Variants in AHNAK observed in about 807,000 individuals in gnomAD.
The protein encoded by AHNAK is neuroblast differentiation-associated protein AHNAK.
In AHNAK, 23 loss-of-function variants were observed where a neutral mutation model predicts 37.8. The observed-to-expected ratio is 0.61, with a 90% CI of 0.44 to 0.86. The LOEUF is 0.86. Ranked by LOEUF, AHNAK falls within the 40% of genes least tolerant of loss-of-function variation. AHNAK has a pLI of 0.00. For missense variants in AHNAK, 7,411 were observed against 7,319.4 expected (o/e 1.01, Z -0.46); for synonymous variants, 2,481 against 2,636.3 (o/e 0.94, Z 1.80).
At chr11:62,511,129 A>C (rs968258108), downstream of AHNAK, among the ~76,000 whole-genome samples, 4 of 152,232 alleles carry the variant, frequency 2.6e-5, no homozygotes, top group African/African-American at 9.6e-5. Flanking sequence ...GCCTTTGCTC[A>C]AAACATTTGA....
At chr11:62,484,050 A>AAG (rs1555024601) in intron 5 of AHNAK, among the ~76,000 whole-genome samples, 1 of 150,582 alleles carries the variant, frequency 6.6e-6, no homozygotes, top group Non-Finnish European at 1.5e-5. Flanking sequence ...AAAAAAAAAA[A>AAG]AAAAAAGAAA....
At chr11:62,450,233 C>T (rs191597675) in intron 5 of AHNAK, among the ~76,000 whole-genome samples, 27 of 152,040 alleles carry the variant, frequency 1.8e-4, no homozygotes, top group Middle Eastern at 6.8e-3. Flanking sequence ...TCACGGCACA[C>T]GGCAACCTCT....
intron 1 of AHNAK, among the ~76,000 whole-genome samples, chr11:62,540,327 A>T (rs1590692517): frequency 6.6e-6 from 1 of 152,232 alleles, no homozygotes; most frequent in Non-Finnish European, 1.5e-5. Context: ...ACTGGCTACT[A>T]TATTAGCGTG....
downstream of AHNAK, among the ~76,000 whole-genome samples, chr11:62,512,743 A>G (rs765696140): frequency 3.3e-5 from 5 of 152,036 alleles, no homozygotes; most frequent in Admixed American, 6.6e-5. This position sits in a 1 kb window ranked among gnomAD's most constrained non-coding sequence, Gnocchi z 4.0. Flanking sequence ...CGTCTCTACA[A>G]AAAATACAAA....
At chr11:62,459,038 T>TA (rs1938728199) in intron 5 of AHNAK, among the ~76,000 whole-genome samples, 1 of 152,054 alleles carries the variant, frequency 6.6e-6, no homozygotes, top group African/African-American at 2.4e-5. Flanking sequence ...CTTGGGGTGC[T>TA]AAAAGCAGGA....
rs2134228613 is a variant in AHNAK, at chr11:62,528,452, T to C, written c.5965A>G (p.Ile1989Val). Residue 1989 changes from isoleucine (I) to valine (V), a missense_variant, in exon 5 of 5, where the codon ATC (isoleucine) becomes GTC (valine). Ile to Val is a conservative substitution (Grantham distance 29). Transcript: ENST00000378024. ...TGTAAGTCCACATCAGGCATGGAGA[T>C]CTTGGGGGTCTTGAAGTGCATCTCA... is the stretch of plus-strand genomic sequence containing the variant. ...MPEMHFKTPKISMPDVDLHLK... is the reference protein window; with the variant it reads ...MPEMHFKTPKVSMPDVDLHLK... The C allele has an allele frequency of 6.2e-7, 1 of 1,613,376 alleles. No homozygotes were observed. Among genetic ancestry groups the C allele is most frequent in the East Asian group, 2.2e-5 (1 of 44,820 alleles).
chr11:62,526,604 C>T lies in AHNAK; in HGVS notation c.7813G>A (p.Glu2605Lys), dbSNP rs1217326087. The part of the protein sequence containing the change: ...GDVDVSLPKV[E>K]GDLKGPEVDI... The stretch of plus-strand genomic sequence containing the variant: ...ACTTCGGGGCCCTTGAGGTCACCTT[C>T]CACTTTGGGCAGAGAAACATCCACA... The change falls in exon 5 of 5, where the codon GAA becomes AAA. Residue 2605 changes from glutamate (E) to lysine (K), a missense_variant. Physicochemically the swap from Glu to Lys is moderately conservative, Grantham distance 56. Transcript: ENST00000378024. The T allele has an allele frequency of 1.2e-6, 2 of 1,613,796 alleles. No individual in the cohort carries two copies. The highest frequency in any genetic ancestry group is 2.2e-5 in the East Asian group (1 of 44,856).
Position 62,523,948 on chromosome 11 carries a change from T to C in AHNAK, c.10469A>G (p.Glu3490Gly). ...PKFSVSGLKA[E>G]GPDVAVDLPK... ...TAGATCCACAGCTACATCTGGCCCTTCTGCTTTTAAGCCAGACACACTGAA... is the reference window on the plus strand; with the variant it reads ...TAGATCCACAGCTACATCTGGCCCTCCTGCTTTTAAGCCAGACACACTGAA... The change falls in exon 5 of 5, where the codon GAA (glutamate) becomes GGA (glycine). Residue 3490 changes from glutamate (E) to glycine (G), a missense_variant. Physicochemically the swap from Glu to Gly is moderately conservative, Grantham distance 98. Transcript: ENST00000378024. 6.2e-7 allele frequency: 1 copy of C among 1,614,138 alleles called. No homozygotes were observed. The highest frequency in any genetic ancestry group is 8.5e-7 in the Non-Finnish European group (1 of 1,180,034).
rs2134211541 is a variant in AHNAK at position 62,524,026 on chromosome 11, T to C, written c.10391A>G (p.Asp3464Gly). Residue 3464 changes from aspartate to glycine, a missense_variant, in exon 5 of 5, where the codon GAT (aspartate) becomes GGT (glycine). Coordinates refer to ENST00000378024, the MANE Select transcript of AHNAK (RefSeq NM_001620.3). The stretch of plus-strand genomic sequence containing the variant: ...CAGATTCCAGTCTGGACCATGAACA[T>C]CCACATCAGGTGCATTAAGATTGAC... ...PEVNLNAPDV[D>G]VHGPDWNLKM... 1 of 1,614,186 alleles carries C rather than the reference T, an allele frequency of 6.2e-7. No individual in the cohort carries two copies. Among genetic ancestry groups the C allele is most frequent in the Middle Eastern group, 1.7e-4 (1 of 6,060 alleles).
At chr11:62,436,590 T>G (rs1007942621) in intron 5 of AHNAK, among the ~76,000 whole-genome samples, 2 of 151,782 alleles carry the variant, frequency 1.3e-5, no homozygotes, top group Non-Finnish European at 2.9e-5. Flanking sequence ...AAATTATTAT[T>G]GTTATTACTT....
intron 5 of AHNAK, among the ~76,000 whole-genome samples, chr11:62,444,541 G>A (rs7942143): frequency 2.6e-5 from 4 of 152,204 alleles, no homozygotes; most frequent in Admixed American, 6.5e-5. Flanking sequence ...GCAGCTGCTC[G>A]CCCTCCAGGA....
chr11:62,471,174 CAG>C (rs1407369150), intron 5 of AHNAK, among the ~76,000 whole-genome samples: 1 of 152,124 alleles, frequency 6.6e-6, no homozygotes, highest in Non-Finnish European at 1.5e-5. Flanking sequence ...TACCCTGGAG[CAG>C]AGTTTCTTAA....
rs143196290 is a variant in AHNAK, at chr11:62,527,393, T to C, written c.7024A>G (p.Lys2342Glu). The change falls in exon 5 of 5, where the codon AAA becomes GAA. Residue 2342 changes from lysine to glutamate, a missense_variant. Lys to Glu is a moderately conservative substitution (Grantham distance 56, BLOSUM62 1). Coordinates refer to ENST00000378024, the MANE Select transcript of AHNAK (RefSeq NM_001620.3). ...VSAPKLEGEL[K>E]GPELDVKGPK... ...CCTTTGACATCCAATTCTGGACCTT[T>C]TAACTCTCCCTCCAGCTTTGGGGCA... The C allele has an allele frequency of 1.9e-6, 3 of 1,614,110 alleles. No individual in the cohort carries two copies. The Admixed American group carries it at 5.0e-5, about 27-fold the overall frequency.
At chr11:62,541,590 A>C (rs1202437737) in intron 1 of AHNAK, among the ~76,000 whole-genome samples, 1 of 152,208 alleles carries the variant, frequency 6.6e-6, no homozygotes, top group Non-Finnish European at 1.5e-5. Flanking sequence ...CCATGTTGAA[A>C]GAAAAAAAAA....
At position 62,531,214 on chromosome 11, in the gene AHNAK, G is replaced by C. The variant is rs1940733854; in HGVS notation, c.3203C>G (p.Ser1068Cys). Residue 1068 changes from serine (S) to cysteine (C), a missense_variant, in exon 5 of 5, where the codon TCT becomes TGT. Transcript: ENST00000378024. ...AAGATCCAGGTCAACATCTGGCAAA[G>C]ACATCTTAGGAGCTCTGAAGTGCAT... is the stretch of plus-strand genomic sequence containing the variant. ...PEMHFRAPKM[S>C]LPDVDLDLKG... is the part of the protein sequence containing the mutation. The C allele has an allele frequency of 6.2e-7, 1 of 1,613,958 alleles. No individual in the cohort carries two copies. Among genetic ancestry groups the C allele is most frequent in the African/African-American group, 1.3e-5 (1 of 74,874 alleles).
intron 1 of AHNAK, among the ~76,000 whole-genome samples, chr11:62,543,101 G>C (rs536178236): frequency 6.6e-6 from 1 of 152,130 alleles, no homozygotes; most frequent in Non-Finnish European, 1.5e-5. Flanking sequence ...CCGGGGGACC[G>C]GGCAGGATGC....
chr11:62,453,592 G>A (rs746466488), intron 5 of AHNAK, among the ~76,000 whole-genome samples: 10 of 152,110 alleles, frequency 6.6e-5, no homozygotes, highest in Non-Finnish European at 1.2e-4. Context: ...GAAGGCTCCA[G>A]TCTGGTGTCT....
At chr11:62,459,684 CA>C (rs1938744721) in intron 5 of AHNAK, among the ~76,000 whole-genome samples, 1 of 152,138 alleles carries the variant, frequency 6.6e-6, no homozygotes, top group Admixed American at 6.6e-5. Context: ...ATAGTCAAAA[CA>C]AAAGAGCCTT....
rs1940499768 is a variant in AHNAK, at chr11:62,526,635, C to T, written c.7782G>A (p.Lys2594=). ...FDLHLKGPKV[K]GDVDVSLPKV... ...TGGGCAGAGAAACATCCACATCGCC[C>T]TTCACCTTGGGACCTTTCAGATGCA... is the stretch of plus-strand genomic sequence containing the variant. Residue 2594 remains lysine (K), a synonymous_variant, in exon 5 of 5, where the codon AAG becomes AAA. Coordinates refer to ENST00000378024, the MANE Select transcript of AHNAK (RefSeq NM_001620.3). 2 of 1,613,504 alleles carry T rather than the reference C, an allele frequency of 1.2e-6. No individual in the cohort carries two copies. Among genetic ancestry groups the T allele is most frequent in the Non-Finnish European group, 1.7e-6 (2 of 1,179,908 alleles).
Sources: allele counts gnomAD v4.1 joint callset (sites outside exome capture counted in the v4.1 genomes callset), GRCh38; gene constraint gnomAD v4.1.1; non-coding constraint Gnocchi (gnomAD v3.1); transcripts MANE v1.5; gene names NCBI Gene and HGNC (gene_info 2026-07-23, HGNC 2026-07-21).